The following ADAM12 variants were observed in gnomAD, a reference collection of about 807,000 sequenced individuals.
The protein encoded by ADAM12 is ADAM metallopeptidase domain 12, also known as disintegrin and metalloproteinase domain-containing protein 12.
Under a neutral mutation model 106.4 loss-of-function variants are expected in ADAM12, and 70 were observed. The observed-to-expected ratio is 0.66, with a 90% CI of 0.54 to 0.80. ADAM12 has a LOEUF of 0.80. Ranked by LOEUF, ADAM12 falls within the 30% of genes least tolerant of loss-of-function variation. The pLI, the probability that ADAM12 is intolerant of heterozygous loss-of-function variation, is 0.00. For missense variants in ADAM12, 1,010 were observed against 1,171.9 expected, an observed-to-expected ratio of 0.86 and a Z score of 2.02; for synonymous variants, 420 against 433.5, an observed-to-expected ratio of 0.97 and a Z score of 0.39.
At chr10:126,024,161 A>T (rs1953823878) in intron 21 of ADAM12, among the ~76,000 whole-genome samples, 1 of 152,240 alleles carries the variant, frequency 6.6e-6, no homozygotes, top group Non-Finnish European at 1.5e-5. Context: ...ACTTACGTAA[A>T]GTTTAAAACA....
intron 14 of ADAM12, among the ~76,000 whole-genome samples, chr10:126,050,003 GCT>G (rs2133439878): frequency 2.8e-5 from 1 of 36,026 alleles, no homozygotes; most frequent in East Asian, 0.017. Flanking sequence ...TGGCTGGCTG[GCT>G]GGCTGGCTGG....
chr10:126,065,483 A>G (rs1171513506), intron 13 of ADAM12, among the ~76,000 whole-genome samples: 2 of 152,238 alleles, frequency 1.3e-5, no homozygotes, highest in African/African-American at 2.4e-5. Context: ...CAGTCGTCAA[A>G]TCATAGAACT....
At chr10:126,263,978 A>G (rs928998652) in intron 3 of ADAM12, among the ~76,000 whole-genome samples, 6 of 152,226 alleles carry the variant, frequency 3.9e-5, no homozygotes, top group African/African-American at 1.4e-4. Context: ...CCAAAATATA[A>G]ATGAATTTTA....
At chr10:126,173,213 A>C (rs1186400390) in intron 3 of ADAM12, among the ~76,000 whole-genome samples, 1 of 152,180 alleles carries the variant, frequency 6.6e-6, no homozygotes, top group Non-Finnish European at 1.5e-5. Context: ...TATGTAACGA[A>C]CCTGCACGTT....
intron 2 of ADAM12, 118 bp from the exon 3 acceptor site, chr10:126,279,106 A>G: frequency 1.4e-6 from 1 of 725,506 alleles, no homozygotes; most frequent in Non-Finnish European, 2.4e-6. Flanking sequence ...AACCTAAGAA[A>G]GAGCCAAATG....
chr10:126,079,777 T>C (rs1955177211), intron 11 of ADAM12, among the ~76,000 whole-genome samples: 1 of 152,202 alleles, frequency 6.6e-6, no homozygotes, highest in Non-Finnish European at 1.5e-5. Context: ...GCCCAATGTA[T>C]GGCATTTTGA....
intron 17 of ADAM12, among the ~76,000 whole-genome samples, chr10:126,044,982 G>A (rs538017127): frequency 6.6e-6 from 1 of 152,240 alleles, no homozygotes; most frequent in South Asian, 2.1e-4. Context: ...TGTTAGGGTG[G>A]GACTGTGGCC....
intron 3 of ADAM12, among the ~76,000 whole-genome samples, chr10:126,275,906 A>G (rs1035022150): frequency 6.6e-6 from 1 of 152,202 alleles, no homozygotes; most frequent in African/African-American, 2.4e-5. Flanking sequence ...TAATCTTCCT[A>G]CTCAGAGATA....
chr10:126,054,474 T>C (rs1172480455), intron 14 of ADAM12, among the ~76,000 whole-genome samples: 1 of 152,244 alleles, frequency 6.6e-6, no homozygotes, highest in African/African-American at 2.4e-5. Flanking sequence ...CGATTCTTTT[T>C]GCTGGCTACT....
intron 9 of ADAM12, among the ~76,000 whole-genome samples, chr10:126,100,519 T>G (rs1955642764): frequency 6.8e-6 from 1 of 147,582 alleles, no homozygotes. Flanking sequence ...TTGGCCAACA[T>G]GGTGAAACCC....
chr10:126,239,249 G>A lies in ADAM12; in HGVS notation c.260+39666C>T, dbSNP rs558908673. Among the ~76,000 whole-genome samples, 3 of 152,272 alleles carry A rather than the reference G, an allele frequency of 2.0e-5. No homozygotes were observed. The South Asian group carries it at 6.2e-4, about 32-fold the overall frequency. ...TAACAGGTGGGATATGTAACCTACA[G>A]AAATAAAAATTATATAGGAAAAAGA... On this transcript the variant is annotated intron_variant, in intron 3 of 22. Coordinates refer to ENST00000448723, the MANE Select transcript of ADAM12 (RefSeq NM_001288973.2).
intron 3 of ADAM12, among the ~76,000 whole-genome samples, chr10:126,215,433 C>T: frequency 6.6e-6 from 1 of 152,134 alleles, no homozygotes; most frequent in East Asian, 1.9e-4. Flanking sequence ...AGGGCCTTCC[C>T]CTTGAGGAAT....
At chr10:126,380,904 A>ATG (rs1252433893) in intron 1 of ADAM12, among the ~76,000 whole-genome samples, 1 of 152,212 alleles carries the variant, frequency 6.6e-6, no homozygotes, top group Non-Finnish European at 1.5e-5. Flanking sequence ...TGGACGCTGC[A>ATG]GAAACCATTT....
chr10:126,190,994 T>C (rs1283163752), intron 3 of ADAM12, among the ~76,000 whole-genome samples: 1 of 62,138 alleles, frequency 1.6e-5, no homozygotes, highest in African/African-American at 1.7e-4. Context: ...TTTGTCCTTT[T>C]TTTTTTTTTT....
intron 3 of ADAM12, among the ~76,000 whole-genome samples, chr10:126,179,234 C>T (rs1826562323): frequency 6.6e-6 from 1 of 152,194 alleles, no homozygotes; most frequent in South Asian, 2.1e-4. Context: ...CCTCTTCCCC[C>T]TCTGCTGTTT....
chr10:126,180,907 G>C (rs557887597), intron 3 of ADAM12, among the ~76,000 whole-genome samples: 1 of 152,310 alleles, frequency 6.6e-6, no homozygotes, highest in Admixed American at 6.5e-5. Context: ...ACACATTCTA[G>C]AGGAGGAAGA....
intron 1 of ADAM12, among the ~76,000 whole-genome samples, chr10:126,378,471 A>G (rs887427024): frequency 6.6e-6 from 1 of 152,234 alleles, no homozygotes; most frequent in African/African-American, 2.4e-5. Flanking sequence ...TAAAATATAT[A>G]TTGATTTTTT....
chr10:126,332,527 A>T (rs1590791971), intron 1 of ADAM12, among the ~76,000 whole-genome samples: 1 of 149,790 alleles, frequency 6.7e-6, no homozygotes, highest in Non-Finnish European at 1.5e-5. Context: ...ATTTCAAAGT[A>T]AAAAAAAATT....
chr10:126,065,983 A>C (rs150160801), intron 13 of ADAM12, among the ~76,000 whole-genome samples: 2 of 152,324 alleles, frequency 1.3e-5, no homozygotes, highest in East Asian at 3.9e-4. Context: ...CCGAACATTA[A>C]ATGTTATAAT....
Sources: gnomAD v4.1 joint callset for allele counts (sites outside exome capture counted in the v4.1 genomes callset) on GRCh38, gnomAD v4.1.1 for gene constraint, MANE v1.5 for transcripts, NCBI Gene and HGNC (gene_info 2026-07-23, HGNC 2026-07-21) for gene names.